MAVS: variants seen among roughly 807,000 people sequenced by gnomAD.
The protein encoded by MAVS is mitochondrial antiviral signaling protein.
Under a neutral mutation model 30.2 loss-of-function variants are expected in MAVS, and 20 were observed. That is an observed-to-expected ratio of 0.66 (90% CI 0.47 to 0.96). The LOEUF is 0.96. Among genes scored for constraint, MAVS ranks in the 40% least tolerant of loss-of-function variants. The probability of loss-of-function intolerance (pLI) is 0.00; values close to 1 mark genes in which losing one functional copy is unlikely to be tolerated. For missense variants in MAVS, 624 were observed against 701.1 expected (o/e 0.89, Z 1.24); for synonymous variants, 278 against 293.9 (o/e 0.95, Z 0.55).
chr20:3,863,647 C>G (rs2089883038), intron 5 of MAVS, among the ~76,000 whole-genome samples: 1 of 152,134 alleles, frequency 6.6e-6, no homozygotes. Context: ...ATTCCGAGTT[C>G]CGTGGAGAGT....
chr20:3,861,165 A>G (rs951384434), intron 3 of MAVS, among the ~76,000 whole-genome samples, 167 bp from the exon 4 acceptor site: 4 of 149,588 alleles, frequency 2.7e-5, no homozygotes, highest in Non-Finnish European at 5.9e-5. Context: ...GCTAATAATA[A>G]TGTTGTATTT....
rs144040750 is a variant in MAVS, at chr20:3,865,938, G to T, written c.1414G>T (p.Glu472Ter). ...GGGCACCTTTGGGATCCACGTGGCT[G>T]AGAACCCCAGCATCCAGCTCCTGGA... ...SEGTFGIHVAENPSIQLLEGN... is the reference protein window; with the variant it reads ...SEGTFGIHVA Residue 472 changes from glutamate to a stop codon, truncating the protein, a stop_gained, in exon 7 of 7, where the codon GAG (glutamate) becomes TAG (stop). Coordinates refer to ENST00000428216, the MANE Select transcript of MAVS (RefSeq NM_020746.5). LOFTEE classifies it low-confidence loss of function (END_TRUNC). This position sits in a 1 kb window ranked among gnomAD's most constrained non-coding sequence, Gnocchi z 4.7. 1.2e-6 allele frequency: 2 copies of T among 1,613,644 alleles called. No individual in the cohort carries two copies. The highest frequency in any genetic ancestry group is 1.7e-6 in the Non-Finnish European group (2 of 1,179,914).
rs1298505628 is a variant in MAVS, at chr20:3,871,840, G to A, written c.*5693G>A. 3 of 152,218 alleles carry A rather than the reference G, an allele frequency of 2.0e-5. No homozygotes were observed. The highest frequency in any genetic ancestry group is 4.4e-5 in the Non-Finnish European group (3 of 68,014). The allele number at this position is 152,218 out of a possible 1,614,324, so 9.4% of individuals were successfully genotyped here. A position where few individuals can be genotyped will look rare whatever the true frequency, so the allele number is the denominator to read the frequency against. ...TCGGTGCTGGGCATGGTCACTCCTA[G>A]CATTCCTCACTCTGTTGCTAACAGC... On this transcript the variant is annotated 3_prime_UTR_variant, in exon 7 of 7. Transcript: ENST00000428216.
Position 3,862,419 on chromosome 20 carries a change from C to T in MAVS, c.625+6C>T. 1.2e-6 allele frequency: 2 copies of T among 1,609,180 alleles called. No homozygotes were observed. Among genetic ancestry groups the T allele is most frequent in the African/African-American group, 1.3e-5 (1 of 74,790 alleles). ...GGGCAGTACCCACACAGCAGGTATG[C>T]ATGGAATCTGGAATTATAGGGTCCT... On this transcript the variant is annotated splice_donor_region_variant and intron_variant, in intron 5 of 6. Transcript: ENST00000428216.
rs1019240142 is a variant in MAVS, at chr20:3,868,452, G to C, written c.*2305G>C. 1 of 152,086 alleles carries C rather than the reference G, an allele frequency of 6.6e-6. No individual in the cohort carries two copies. Among genetic ancestry groups the C allele is most frequent in the Non-Finnish European group, 1.5e-5 (1 of 68,024 alleles). The allele number at this position is 152,086 out of a possible 1,614,324, so 9.4% of individuals were successfully genotyped here. On this transcript the variant is annotated 3_prime_UTR_variant, in exon 7 of 7. Coordinates refer to ENST00000428216, the MANE Select transcript of MAVS (RefSeq NM_020746.5). ...GAGTTCAAGACCAGCCTGGCCAACA[G>C]GGTGAAACCCCGTCTCTACAAAAAT...
chr20:3,862,801 C>G (rs2089877020), intron 5 of MAVS, among the ~76,000 whole-genome samples: 1 of 152,156 alleles, frequency 6.6e-6, no homozygotes, highest in South Asian at 2.1e-4. Context: ...TATGTAGTCT[C>G]TCATCCTCCA....
Position 3,867,285 on chromosome 20 carries a change from T to C in MAVS, c.*1138T>C. ...TAAAAGGAGGATAAGTATATATATA[T>C]ATTTCCCAGTGTTGTGAAGATTAAA... On this transcript the variant is annotated 3_prime_UTR_variant, in exon 7 of 7. Coordinates refer to ENST00000428216, the MANE Select transcript of MAVS (RefSeq NM_020746.5). The C allele has an allele frequency of 2.9e-6, 1 of 347,140 alleles. No homozygotes were observed. The highest frequency in any genetic ancestry group is 5.7e-6 in the Non-Finnish European group (1 of 176,598). 21.5% of individuals were successfully genotyped at this position (347,140 alleles called of 1,614,324 possible).
intron 1 of MAVS, among the ~76,000 whole-genome samples, chr20:3,852,264 G>T (rs1204005168): frequency 6.6e-6 from 1 of 152,008 alleles, no homozygotes; most frequent in African/African-American, 2.4e-5. Flanking sequence ...AAAGTGCTGG[G>T]ATTACAGGCG....
chr20:3,865,768 G>A lies in MAVS; in HGVS notation c.1244G>A (p.Gly415Glu), dbSNP rs1191367501. ...LDSSSENRGLGSELSKPGVLA... is the reference protein window; with the variant it reads ...LDSSSENRGLESELSKPGVLA... ...AGCAGCTCTGAGAATAGGGGCCTTG[G>A]GTCGGAGCTGAGTAAGCCTGGCGTG... The change falls in exon 7 of 7, where the codon GGG becomes GAG. Residue 415 changes from glycine (G) to glutamate (E), a missense_variant. Transcript: ENST00000428216. The surrounding 1 kb of genome is among the most constrained non-coding windows in gnomAD (Gnocchi z 4.7). 6.2e-7 allele frequency: 1 copy of A among 1,613,712 alleles called. No individual in the cohort carries two copies. The highest frequency in any genetic ancestry group is 8.5e-7 in the Non-Finnish European group (1 of 1,180,006).
chr20:3,853,159 A>G (rs114383638), intron 1 of MAVS, among the ~76,000 whole-genome samples: 1,680 of 138,742 alleles, frequency 0.012, 31 homozygotes, highest in African/African-American at 0.041. Context: ...TTTTGGAGAG[A>G]CTCAGGCAGT....
chr20:3,864,895 C>T, intron 6 of MAVS, 107 bp downstream of exon 6: 1 of 1,341,094 alleles, frequency 7.5e-7, no homozygotes. Context: ...TGTGTCCAGC[C>T]TGTGCTGCTC....
rs2089915191 is a variant in MAVS, at chr20:3,867,123, G to A, written c.*976G>A. The A allele has an allele frequency of 2.2e-6, 1 of 452,696 alleles. No homozygotes were observed. The highest frequency in any genetic ancestry group is 4.4e-6 in the Non-Finnish European group (1 of 225,458). The allele number at this position is 452,696 out of a possible 1,614,324, so 28.0% of individuals were successfully genotyped here. A position where few individuals can be genotyped will look rare whatever the true frequency, so the allele number is the denominator to read the frequency against. ...CCCAACCTGGTAGAGCTGAGGGCAT[G>A]AGAGGCAGAGTGCACAGTGGTCAAG... On this transcript the variant is annotated 3_prime_UTR_variant, in exon 7 of 7. Coordinates refer to ENST00000428216, the MANE Select transcript of MAVS (RefSeq NM_020746.5).
chr20:3,847,841 G>A (rs1270830629), intron 1 of MAVS, among the ~76,000 whole-genome samples: 1 of 152,174 alleles, frequency 6.6e-6, no homozygotes, highest in East Asian at 1.9e-4. Flanking sequence ...TTCAAATCCT[G>A]TGCTAGCCTC....
intron 5 of MAVS, among the ~76,000 whole-genome samples, chr20:3,862,806 C>T (rs1348272360): frequency 1.3e-5 from 2 of 152,256 alleles, no homozygotes; most frequent in East Asian, 1.9e-4. Context: ...AGTCTCTCAT[C>T]CTCCAGCACA....
chr20:3,873,777 GTTTACAAATTA>G lies in MAVS; in HGVS notation c.*7631_*7641del. The G allele has an allele frequency of 4.6e-6, 1 of 218,016 alleles. No homozygotes were observed. Among genetic ancestry groups the G allele is most frequent in the Non-Finnish European group, 8.9e-6 (1 of 111,776 alleles). The allele number at this position is 218,016 out of a possible 1,614,324, so 13.5% of individuals were successfully genotyped here. On this transcript the variant is annotated 3_prime_UTR_variant, in exon 7 of 7. Transcript: ENST00000428216. ...GAACTGTGAGAAATAATTTTTTGTT[GTTTACAAATTA>G]CCCAGGCTAAGGTGTTTCATTGTAA...
At chr20:3,860,005 G>A (rs1365374160) in intron 3 of MAVS, among the ~76,000 whole-genome samples, 4 of 150,360 alleles carry the variant, frequency 2.7e-5, no homozygotes, top group Admixed American at 2.0e-4. Context: ...TTTTAGTAGA[G>A]ATGGGGTTTC....
chr20:3,862,182 C>T, intron 4 of MAVS, 72 bp from the exon 5 acceptor site: 1 of 1,551,480 alleles, frequency 6.4e-7, no homozygotes, highest in Non-Finnish European at 8.8e-7. Context: ...GGAGATGCCC[C>T]AAGAGCACAA....
At position 3,857,656 on chromosome 20, in the gene MAVS, A is replaced by T. The variant is rs375715742; in HGVS notation, c.139A>T (p.Thr47Ser). The change falls in exon 3 of 7, where the codon ACA becomes TCA. Residue 47 changes from threonine (T) to serine (S), a missense_variant. Transcript: ENST00000428216. ...RDQDRLRATC[T>S]LSGNRDTLWH... ...CCAGGATCGACTGCGGGCCACCTGCACACTCTCAGGGAACCGGGACACCCT... is the reference window on the plus strand; with the variant it reads ...CCAGGATCGACTGCGGGCCACCTGCTCACTCTCAGGGAACCGGGACACCCT... 1 of 1,613,514 alleles carries T rather than the reference A, an allele frequency of 6.2e-7. No individual in the cohort carries two copies. Among genetic ancestry groups the T allele is most frequent in the Non-Finnish European group, 8.5e-7 (1 of 1,179,592 alleles).
At chr20:3,855,591 T>TGTTG (rs2146762543) in intron 2 of MAVS, among the ~76,000 whole-genome samples, 1 of 152,282 alleles carries the variant, frequency 6.6e-6, no homozygotes, top group African/African-American at 2.4e-5. Context: ...AGAGGGTACC[T>TGTTG]GTTGGCTCTT....
Sources: allele counts gnomAD v4.1 joint callset (sites outside exome capture counted in the v4.1 genomes callset), GRCh38; gene constraint gnomAD v4.1.1; non-coding constraint Gnocchi (gnomAD v3.1); transcripts MANE v1.5; gene names NCBI Gene and HGNC (gene_info 2026-07-23, HGNC 2026-07-21).